The following ZNF407 variants were observed in gnomAD, a reference collection of about 807,000 sequenced individuals.
ZNF407 encodes the protein zinc finger protein 407.
ZNF407 carries 17 observed loss-of-function variants against 131.2 expected under a neutral mutation model. That is an observed-to-expected ratio of 0.13 (90% CI 0.09 to 0.19). The LOEUF (loss-of-function observed/expected upper bound fraction) is 0.19, where lower values mean the gene tolerates loss of function less well. Among genes scored for constraint, ZNF407 ranks in the 10% least tolerant of loss-of-function variants. The pLI, the probability that ZNF407 is intolerant of heterozygous loss-of-function variation, is 1.00. For synonymous variants in ZNF407, 1,156 were observed against 1,062.0 expected, an observed-to-expected ratio of 1.09 and a Z score of -1.72; for missense variants, 2,681 against 2,830.6, an observed-to-expected ratio of 0.95 and a Z score of 1.20.
chr18:74,631,172 A>T lies in ZNF407; in HGVS notation c.153A>T (p.Arg51Ser). The T allele has an allele frequency of 6.2e-7, 1 of 1,614,006 alleles. No homozygotes were observed. Among genetic ancestry groups the T allele is most frequent in the African/African-American group, 1.3e-5 (1 of 75,058 alleles). Reference protein sequence around the residue: ...ASFPENSMGKRGFSESSNSDS... With the variant: ...ASFPENSMGKSGFSESSNSDS... ...TCCCTGAGAATTCTATGGGCAAAAGAGGTTTTTCAGAATCATCGAACTCTG... is the reference window on the plus strand; with the variant it reads ...TCCCTGAGAATTCTATGGGCAAAAGTGGTTTTTCAGAATCATCGAACTCTG... Residue 51 changes from arginine (R) to serine (S), a missense_variant, in exon 2 of 9, where the codon AGA becomes AGT. By Grantham distance (110) the Arg-to-Ser change is moderately radical. This residue lies in a region of ZNF407 where 1,789 missense variants were observed against 1,748.7 expected (regional missense o/e 1.02). Transcript: ENST00000299687.
intron 8 of ZNF407, among the ~76,000 whole-genome samples, chr18:74,957,323 C>T (rs1205980367): frequency 2.6e-5 from 4 of 152,270 alleles, no homozygotes; most frequent in African/African-American, 4.8e-5. Flanking sequence ...TCAGTCCCGT[C>T]GCCCTTTCCA....
intron 8 of ZNF407, among the ~76,000 whole-genome samples, chr18:74,998,246 C>G (rs920422564): frequency 1.3e-5 from 2 of 152,116 alleles, no homozygotes; most frequent in Admixed American, 6.5e-5. Flanking sequence ...CTTTAGTTTA[C>G]TCAGCTTAGC....
At chr18:74,654,595 C>A (rs1000022357) in intron 3 of ZNF407, among the ~76,000 whole-genome samples, 7 of 151,392 alleles carry the variant, frequency 4.6e-5, no homozygotes, top group African/African-American at 1.5e-4. Context: ...GGATAAGAGA[C>A]CAAGAAATTT....
In ZNF407 at chr18:75,007,359, A is replaced by T. The variant is rs114241926; in HGVS notation, c.5429-55791A>T. Among the ~76,000 whole-genome samples the T allele has an allele frequency of 7.9e-3, 1,205 of 152,178 alleles. 13 individuals are homozygous for T. The highest frequency in any genetic ancestry group is 0.028 in the African/African-American group (1,162 of 41,502). On this transcript the variant is annotated intron_variant, in intron 8 of 8. Transcript: ENST00000299687. ...GTGGTTAGCTTAGACATTTTAACAC[A>T]CATGTGACAAGTGTAAATGTTGCTA...
chr18:74,625,500 G>A (rs1004366034), intron 1 of ZNF407, among the ~76,000 whole-genome samples: 5 of 152,186 alleles, frequency 3.3e-5, no homozygotes, highest in African/African-American at 1.2e-4. Context: ...AGATGAAGAC[G>A]TGGTAGACTG....
chr18:74,933,416 A>G (rs1196738956), intron 8 of ZNF407, among the ~76,000 whole-genome samples: 1 of 152,134 alleles, frequency 6.6e-6, no homozygotes, highest in Non-Finnish European at 1.5e-5. Context: ...GGGAGGGAAA[A>G]TGGGGAGTTG....
At chr18:74,622,542 A>G (rs1983561197) in intron 1 of ZNF407, among the ~76,000 whole-genome samples, 1 of 152,118 alleles carries the variant, frequency 6.6e-6, no homozygotes, top group African/African-American at 2.4e-5. Flanking sequence ...AAAGACCACT[A>G]GATGTTTTCA....
chr18:74,672,608 T>C (rs1986196733), intron 3 of ZNF407, among the ~76,000 whole-genome samples: 1 of 145,164 alleles, frequency 6.9e-6, no homozygotes, highest in Non-Finnish European at 1.5e-5. Context: ...TGGAGCACTG[T>C]TTTTCTGTTC....
chr18:74,908,610 G>C (rs1448765025), intron 7 of ZNF407, among the ~76,000 whole-genome samples: 1 of 152,142 alleles, frequency 6.6e-6, no homozygotes, highest in African/African-American at 2.4e-5. Flanking sequence ...AGGAATTTGA[G>C]GTTCTTTATT....
chr18:74,918,959 T>C (rs949144172), intron 7 of ZNF407, among the ~76,000 whole-genome samples: 2 of 152,126 alleles, frequency 1.3e-5, no homozygotes, highest in Non-Finnish European at 2.9e-5. Flanking sequence ...GGGAGGGAAG[T>C]AGCAGGAACT....
At chr18:74,811,767 T>A (rs1166197366) in intron 4 of ZNF407, among the ~76,000 whole-genome samples, 1 of 151,930 alleles carries the variant, frequency 6.6e-6, no homozygotes, top group Non-Finnish European at 1.5e-5. Context: ...AGTAAACTAT[T>A]GCAAGAGCAA....
chr18:74,903,146 T>C (rs1971552010), intron 7 of ZNF407, among the ~76,000 whole-genome samples: 1 of 152,220 alleles, frequency 6.6e-6, no homozygotes, highest in Non-Finnish European at 1.5e-5. Flanking sequence ...GTTTTAAATC[T>C]AGTCTTTTTC....
rs769183619 is a variant in ZNF407 at position 74,920,517 on chromosome 18, A to G, written c.5253A>G (p.Ser1751=). The G allele has an allele frequency of 6.3e-7, 1 of 1,575,020 alleles. No homozygotes were observed. The highest frequency in any genetic ancestry group is 1.7e-5 in the Admixed American group (1 of 58,584). The stretch of plus-strand genomic sequence containing the variant: ...ACTTTTCTGTCTTACTTGGTAGGTC[A>G]AACTGTGCTGAAAATATCCGCAAAC... ...PYRCPWCDYR[S]NCAENIRKHI... Residue 1751 remains serine, a synonymous_variant, in exon 8 of 9, where the codon TCA becomes TCG. Coordinates refer to ENST00000299687, the MANE Select transcript of ZNF407 (RefSeq NM_017757.3).
At chr18:74,799,239 C>T (rs1472785236) in intron 4 of ZNF407, among the ~76,000 whole-genome samples, 1 of 152,088 alleles carries the variant, frequency 6.6e-6, no homozygotes, top group African/African-American at 2.4e-5. Flanking sequence ...GATGCTGTTT[C>T]TGAGGAAAAT....
chr18:74,913,830 A>G (rs1599238534), intron 7 of ZNF407, among the ~76,000 whole-genome samples: 2 of 152,296 alleles, frequency 1.3e-5, no homozygotes, highest in African/African-American at 4.8e-5. Context: ...AGTGTGTAGT[A>G]CTGACTAATG....
At chr18:74,824,406 A>G (rs1264230934) in intron 4 of ZNF407, among the ~76,000 whole-genome samples, 1 of 152,156 alleles carries the variant, frequency 6.6e-6, no homozygotes, top group African/African-American at 2.4e-5. Flanking sequence ...TCCCTTCAAA[A>G]CAATCAATGA....
At chr18:74,814,746 A>T (rs908017172) in intron 4 of ZNF407, among the ~76,000 whole-genome samples, 3 of 151,876 alleles carry the variant, frequency 2.0e-5, no homozygotes. Context: ...ACTGCGTAAA[A>T]TTTTTTCTCA....
chr18:74,909,907 C>A (rs1243806019), intron 7 of ZNF407, among the ~76,000 whole-genome samples: 1 of 152,010 alleles, frequency 6.6e-6, no homozygotes, highest in East Asian at 1.9e-4. Flanking sequence ...TTTTTCCTTT[C>A]TAAAAAAGTA....
intron 8 of ZNF407, among the ~76,000 whole-genome samples, chr18:75,032,152 C>A (rs763779053): frequency 6.6e-6 from 1 of 152,178 alleles, no homozygotes; most frequent in Non-Finnish European, 1.5e-5. Flanking sequence ...CTTCTGGTTC[C>A]CCTGCCACAC....
Sources: gnomAD v4.1 joint callset for allele counts (sites outside exome capture counted in the v4.1 genomes callset) on GRCh38, gnomAD v4.1.1 for gene constraint, gnomAD v4.1.1 regional missense constraint, MANE v1.5 for transcripts, NCBI Gene and HGNC (gene_info 2026-07-23, HGNC 2026-07-21) for gene names.